The following SYT2 variants were observed in gnomAD, a reference collection of about 807,000 sequenced individuals.
SYT2 encodes synaptotagmin-2.
SYT2 carries 15 observed loss-of-function variants against 39.9 expected under a neutral mutation model. The observed-to-expected ratio is 0.38, with a 90% CI of 0.25 to 0.58. The LOEUF is 0.58. SYT2 is among the 20% of genes least tolerant of loss of function. SYT2 has a pLI of 0.70. For synonymous variants in SYT2, 181 were observed against 204.5 expected, an observed-to-expected ratio of 0.89 and a Z score of 0.98; for missense variants, 389 against 530.3, an observed-to-expected ratio of 0.73 and a Z score of 2.62.
At chr1:202,677,350 G>C (rs1030375439) in intron 1 of SYT2, among the ~76,000 whole-genome samples, 1 of 152,134 alleles carries the variant, frequency 6.6e-6, no homozygotes, top group Non-Finnish European at 1.5e-5. Context: ...AGTAAATTAT[G>C]GCAGAAGTGA....
intron 8 of SYT2, among the ~76,000 whole-genome samples, chr1:202,598,840 G>A (rs888558954): frequency 1.3e-5 from 2 of 152,166 alleles, no homozygotes; most frequent in Non-Finnish European, 2.9e-5. Context: ...TGGAAGTGGG[G>A]CAGGGATGGC....
At chr1:202,646,996 C>G (rs1048260239) in intron 1 of SYT2, among the ~76,000 whole-genome samples, 1 of 152,236 alleles carries the variant, frequency 6.6e-6, no homozygotes, top group Admixed American at 6.5e-5. Context: ...ACAGGATTCT[C>G]TGCACTGTCC....
At position 202,702,350 on chromosome 1, in the gene SYT2, G is replaced by A. The variant is rs576844191; in HGVS notation, c.-18+7908C>T. On this transcript the variant is annotated intron_variant, in intron 1 of 8. Transcript: ENST00000367268. ...ATTTCTCAGCTGTGCTTCCCCCTTC[G>A]CCTCCTGCAATGCCAGGATTGATTT... Among the ~76,000 whole-genome samples the A allele has an allele frequency of 7.9e-5, 12 of 152,246 alleles. No homozygotes were observed. The South Asian group carries it at 1.2e-3, about 16-fold the overall frequency.
chr1:202,600,231 C>G (rs180725314), intron 7 of SYT2, 126 bp downstream of exon 7: 274 of 793,622 alleles, frequency 3.5e-4, no homozygotes, highest in Non-Finnish European at 1.8e-4. Context: ...TCCCCCGCTC[C>G]TCGAGGAGAC....
intron 1 of SYT2, among the ~76,000 whole-genome samples, chr1:202,633,910 A>G (rs1182951941): frequency 6.6e-6 from 1 of 152,230 alleles, no homozygotes; most frequent in African/African-American, 2.4e-5. Context: ...CCCAGCATCC[A>G]ACAAACATTT....
In SYT2 at chr1:202,601,275, A is replaced by G. The variant is rs1690495932; in HGVS notation, c.801+615T>C. 6.6e-6 allele frequency among the ~76,000 whole-genome samples: 1 copy of G among 152,184 alleles called. No homozygotes were observed. Among genetic ancestry groups the G allele is most frequent in the South Asian group, 2.1e-4 (1 of 4,828 alleles). On this transcript the variant is annotated intron_variant, in intron 6 of 8. Transcript: ENST00000367268. This position sits in a 1 kb window ranked among gnomAD's most constrained non-coding sequence, Gnocchi z 4.0. Reference sequence around the variant, plus strand: ...GTTCAGGTGTGCTGGCCTTCCTCCCAGGCACAGGGGACAAAAGGGAAAAAA... The same window carrying G: ...GTTCAGGTGTGCTGGCCTTCCTCCCGGGCACAGGGGACAAAAGGGAAAAAA...
intron 1 of SYT2, among the ~76,000 whole-genome samples, chr1:202,629,876 G>GGT (rs1691526204): frequency 7.9e-6 from 1 of 126,214 alleles, no homozygotes; most frequent in African/African-American, 2.8e-5. Flanking sequence ...GTGGGGGGGG[G>GGT]GGGGTGGTAC....
chr1:202,599,107 C>T lies in SYT2; in HGVS notation c.1053+111G>A, dbSNP rs1276638755. The stretch of plus-strand genomic sequence containing the variant: ...CCATTAGACCTCGAGCCTTCCCCTA[C>T]CAAGAAAGGCTGTTCCATGGTCTCT... On this transcript the variant is annotated intron_variant, in intron 8 of 8. Transcript: ENST00000367268. This position sits in a 1 kb window ranked among gnomAD's most constrained non-coding sequence, Gnocchi z 4.4. 4.1e-6 allele frequency: 6 copies of T among 1,456,794 alleles called. No individual in the cohort carries two copies. Among genetic ancestry groups the T allele is most frequent in the Non-Finnish European group, 4.6e-6 (5 of 1,080,450 alleles). The allele number at this position is 1,456,794 out of a possible 1,614,324, so 90.2% of individuals were successfully genotyped here.
At chr1:202,618,982 G>A (rs1273540741) in intron 1 of SYT2, among the ~76,000 whole-genome samples, 1 of 152,200 alleles carries the variant, frequency 6.6e-6, no homozygotes, top group East Asian at 1.9e-4. Context: ...AGTTGTCCAA[G>A]GTCGCACAGG....
chr1:202,596,684 G>T lies in SYT2; in HGVS notation c.*73C>A. 7.3e-7 allele frequency: 1 copy of T among 1,372,068 alleles called. No individual in the cohort carries two copies. Among genetic ancestry groups the T allele is most frequent in the Non-Finnish European group, 1.0e-6 (1 of 989,464 alleles). The allele number at this position is 1,372,068 out of a possible 1,614,324, so 85.0% of individuals were successfully genotyped here. ...AAGAAAAAAGAAAACCTCTAAGGTT[G>T]CATAACTGAGGTATTGATAGCTCTG... On this transcript the variant is annotated 3_prime_UTR_variant, in exon 9 of 9. Coordinates refer to ENST00000367268, the MANE Select transcript of SYT2 (RefSeq NM_177402.5).
intron 1 of SYT2, among the ~76,000 whole-genome samples, chr1:202,610,949 T>C (rs1022133032): frequency 6.6e-6 from 1 of 152,090 alleles, no homozygotes; most frequent in Non-Finnish European, 1.5e-5. Context: ...CCAATGACTT[T>C]CTTCACAGAA....
At position 202,620,477 on chromosome 1, in the gene SYT2, T is replaced by C. The variant is rs1474840202; in HGVS notation, c.-17-14688A>G. Among the ~76,000 whole-genome samples the C allele has an allele frequency of 6.6e-5, 10 of 151,334 alleles. No individual in the cohort carries two copies. In the South Asian group the frequency reaches 2.1e-3, roughly 32 times the overall value. ...TCCTTTATCTTATCCTTTTTTTTTT[T>C]CTATCATGTAGAGAGCTGTCAGGGC... is the stretch of plus-strand genomic sequence containing the variant. On this transcript the variant is annotated intron_variant, in intron 1 of 8. Coordinates refer to ENST00000367268, the MANE Select transcript of SYT2 (RefSeq NM_177402.5).
intron 1 of SYT2, among the ~76,000 whole-genome samples, chr1:202,613,050 C>T (rs373957333): frequency 6.8e-6 from 1 of 147,418 alleles, no homozygotes; most frequent in South Asian, 2.1e-4. Flanking sequence ...GCCACATTGC[C>T]GAACTCATTG....
At chr1:202,648,110 CA>C (rs1456433519) in intron 1 of SYT2, among the ~76,000 whole-genome samples, 1 of 152,182 alleles carries the variant, frequency 6.6e-6, no homozygotes, top group Non-Finnish European at 1.5e-5. Context: ...GTGAATATTG[CA>C]TGAGTTAATA....
chr1:202,646,691 TAG>T (rs1339648872), intron 1 of SYT2, among the ~76,000 whole-genome samples: 1 of 152,208 alleles, frequency 6.6e-6, no homozygotes, highest in Non-Finnish European at 1.5e-5. Context: ...ATAATGTATA[TAG>T]AGAGACTAGC....
intron 1 of SYT2, among the ~76,000 whole-genome samples, chr1:202,621,323 TCTCA>T (rs1452205548): frequency 6.6e-5 from 10 of 152,074 alleles, no homozygotes; most frequent in Admixed American, 6.5e-5. Context: ...ACAGACAGCG[TCTCA>T]CTCTGTTGCT....
At chr1:202,678,672 C>T (rs1426287526) in intron 1 of SYT2, among the ~76,000 whole-genome samples, 1 of 152,160 alleles carries the variant, frequency 6.6e-6, no homozygotes, top group Non-Finnish European at 1.5e-5. Flanking sequence ...CACTTAACCC[C>T]TCCTGCCTCT....
intron 1 of SYT2, among the ~76,000 whole-genome samples, chr1:202,702,032 A>G (rs532308308): frequency 6.6e-6 from 1 of 152,138 alleles, no homozygotes; most frequent in African/African-American, 2.4e-5. Context: ...CCCCTTCCCC[A>G]TTGCCTCACC....
chr1:202,667,558 TTTTAC>T (rs1692504693), intron 1 of SYT2, among the ~76,000 whole-genome samples: 1 of 151,906 alleles, frequency 6.6e-6, no homozygotes, highest in East Asian at 1.9e-4. Flanking sequence ...GGATACTTTA[TTTTAC>T]AGTGGTCATT....
Sources: gnomAD v4.1 joint callset for allele counts (sites outside exome capture counted in the v4.1 genomes callset) on GRCh38, gnomAD v4.1.1 for gene constraint, Gnocchi (gnomAD v3.1) non-coding constraint, MANE v1.5 for transcripts, NCBI Gene and HGNC (gene_info 2026-07-23, HGNC 2026-07-21) for gene names.